The following GRIN2A variants were observed in gnomAD, a reference collection of about 807,000 sequenced individuals.
The protein encoded by GRIN2A is glutamate receptor ionotropic, NMDA 2A.
Under a neutral mutation model 113.4 loss-of-function variants are expected in GRIN2A, and 22 were observed. The observed-to-expected ratio is 0.19, with a 90% CI of 0.14 to 0.28. The LOEUF is 0.28. Among genes scored for constraint, GRIN2A ranks in the 10% least tolerant of loss-of-function variants. The pLI, the probability that GRIN2A is intolerant of heterozygous loss-of-function variation, is 1.00. For synonymous variants in GRIN2A, 827 were observed against 738.4 expected, an observed-to-expected ratio of 1.12 and a Z score of -1.94; for missense variants, 1,502 against 1,887.0, an observed-to-expected ratio of 0.80 and a Z score of 3.78.
intron 2 of GRIN2A, among the ~76,000 whole-genome samples, chr16:10,174,585 T>C (rs751894543): frequency 6.6e-6 from 1 of 152,088 alleles, no homozygotes; most frequent in Non-Finnish European, 1.5e-5. Flanking sequence ...GGGAGTTACA[T>C]GCACAAAGTG....
At chr16:9,968,407 G>A (rs140402291) in intron 2 of GRIN2A, among the ~76,000 whole-genome samples, 108 of 152,084 alleles carry the variant, frequency 7.1e-4, no homozygotes, top group Middle Eastern at 6.8e-3. Flanking sequence ...TCCGCCTCCC[G>A]GGTTCAAGCA....
At chr16:10,069,481 G>A (rs1454539836) in intron 2 of GRIN2A, among the ~76,000 whole-genome samples, 1 of 152,180 alleles carries the variant, frequency 6.6e-6, no homozygotes, top group Non-Finnish European at 1.5e-5. Flanking sequence ...GACTACACAA[G>A]ATGCAGTCCC....
At position 9,833,154 on chromosome 16, in the gene GRIN2A, C is replaced by T. The variant is rs531464476; in HGVS notation, c.1777+951G>A. On this transcript the variant is annotated intron_variant, in intron 8 of 12. Coordinates refer to ENST00000330684, the MANE Select transcript of GRIN2A (RefSeq NM_001134407.3). ...GGAAAGCCCACTCAAAATGGCATAA[C>T]GTGTATGACATAAACCCTGGCTAGA... Among the ~76,000 whole-genome samples, 8 of 152,248 alleles carry T rather than the reference C, an allele frequency of 5.3e-5. No homozygotes were observed. The South Asian group carries it at 8.3e-4, about 16-fold the overall frequency.
At chr16:9,811,073 G>C (rs1020010230) in intron 10 of GRIN2A, among the ~76,000 whole-genome samples, 110 of 152,174 alleles carry the variant, frequency 7.2e-4, no homozygotes, top group African/African-American at 2.6e-3. Context: ...GACCTTTTTA[G>C]CACCTGGGTC....
intron 2 of GRIN2A, among the ~76,000 whole-genome samples, chr16:9,978,064 C>T (rs1349053212): frequency 6.6e-6 from 1 of 152,106 alleles, no homozygotes; most frequent in Non-Finnish European, 1.5e-5. Flanking sequence ...CATTCTTCAC[C>T]TTTCTGAGCC....
intron 12 of GRIN2A, among the ~76,000 whole-genome samples, chr16:9,767,851 T>G (rs1309607824): frequency 2.6e-5 from 4 of 152,212 alleles, no homozygotes; most frequent in African/African-American, 4.8e-5. Flanking sequence ...ACATGCTCTT[T>G]GTGTTTTATT....
intron 3 of GRIN2A, among the ~76,000 whole-genome samples, chr16:9,928,599 C>A (rs2044519995): frequency 6.6e-6 from 1 of 152,074 alleles, no homozygotes; most frequent in African/African-American, 2.4e-5. Context: ...CTCTCCAGAT[C>A]CAAAGTTCCA....
intron 2 of GRIN2A, among the ~76,000 whole-genome samples, chr16:9,991,850 T>A (rs553295540): frequency 6.6e-6 from 1 of 152,116 alleles, no homozygotes; most frequent in African/African-American, 2.4e-5. Context: ...AGTTGAACAA[T>A]GAGAATACAT....
chr16:10,156,738 C>A (rs1251507079), intron 2 of GRIN2A, among the ~76,000 whole-genome samples: 1 of 152,160 alleles, frequency 6.6e-6, no homozygotes, highest in Non-Finnish European at 1.5e-5. Context: ...CAAAGCGGGA[C>A]TAACAATGAC....
chr16:9,895,592 C>A (rs965469154), intron 3 of GRIN2A, among the ~76,000 whole-genome samples: 5 of 152,092 alleles, frequency 3.3e-5, no homozygotes, highest in African/African-American at 1.2e-4. Flanking sequence ...GGAATAGAGA[C>A]GACGGTCAAA....
intron 4 of GRIN2A, among the ~76,000 whole-genome samples, chr16:9,885,482 AG>A (rs917340495): frequency 1.3e-5 from 2 of 152,238 alleles, no homozygotes; most frequent in African/African-American, 4.8e-5. Flanking sequence ...GTATACAGGC[AG>A]GCCTGGTGTT....
Position 9,926,126 on chromosome 16 carries a change from C to A in GRIN2A, c.1007+11833G>T, listed in dbSNP as rs890576900. Among the ~76,000 whole-genome samples the A allele has an allele frequency of 2.0e-5, 3 of 152,178 alleles. No individual in the cohort carries two copies. The South Asian group carries it at 6.2e-4, about 32-fold the overall frequency. Reference sequence around the variant, plus strand: ...AATTAATTCAGTCTGTCAAGGGGAACTCTCCTTGGGTAATTCAGGAAGTTT... The same window carrying A: ...AATTAATTCAGTCTGTCAAGGGGAAATCTCCTTGGGTAATTCAGGAAGTTT... On this transcript the variant is annotated intron_variant, in intron 3 of 12. Transcript: ENST00000330684.
intron 7 of GRIN2A, among the ~76,000 whole-genome samples, chr16:9,837,492 T>C (rs996566274): frequency 3.3e-5 from 5 of 152,168 alleles, no homozygotes; most frequent in South Asian, 4.1e-4. Flanking sequence ...CCAATTGATA[T>C]TTTTTTCTCT....
At chr16:9,781,364 A>C (rs867959978) in intron 11 of GRIN2A, among the ~76,000 whole-genome samples, 26 of 152,146 alleles carry the variant, frequency 1.7e-4, no homozygotes, top group African/African-American at 4.6e-4. Flanking sequence ...ATGGAAACAA[A>C]ACTTTTTTTT....
intron 2 of GRIN2A, among the ~76,000 whole-genome samples, chr16:10,021,324 A>T (rs553666914): frequency 6.6e-6 from 1 of 152,310 alleles, no homozygotes; most frequent in African/African-American, 2.4e-5. Context: ...TCCCTCCTGG[A>T]TGGCCCTGTG....
chr16:10,014,861 C>A (rs1236805995), intron 2 of GRIN2A, among the ~76,000 whole-genome samples: 2 of 152,066 alleles, frequency 1.3e-5, no homozygotes, highest in African/African-American at 4.8e-5. Context: ...TTAATAGGAA[C>A]ATGACATTTA....
intron 2 of GRIN2A, among the ~76,000 whole-genome samples, chr16:10,114,940 T>C (rs1416939571): frequency 3.3e-5 from 5 of 152,250 alleles, no homozygotes; most frequent in Admixed American, 1.3e-4. Context: ...TTCAGTTTCT[T>C]CCTGAAAACA....
At chr16:10,168,045 T>G (rs529947393) in intron 2 of GRIN2A, among the ~76,000 whole-genome samples, 1 of 152,288 alleles carries the variant, frequency 6.6e-6, no homozygotes, top group East Asian at 1.9e-4. Context: ...TGAATATACT[T>G]TATTAAGTAA....
intron 11 of GRIN2A, among the ~76,000 whole-genome samples, chr16:9,796,761 T>C (rs1903014945): frequency 6.6e-6 from 1 of 152,194 alleles, no homozygotes; most frequent in Non-Finnish European, 1.5e-5. Flanking sequence ...GCAGAGGCAC[T>C]ATCCCCACCC....
Sources: allele counts gnomAD v4.1 joint callset (sites outside exome capture counted in the v4.1 genomes callset), GRCh38; gene constraint gnomAD v4.1.1; transcripts MANE v1.5; gene names NCBI Gene and HGNC (gene_info 2026-07-23, HGNC 2026-07-21).